The following PKIB variants were observed in gnomAD, a reference collection of about 807,000 sequenced individuals.
PKIB encodes the protein cAMP-dependent protein kinase inhibitor beta, also known as PKI-beta.
Under a neutral mutation model 4.5 loss-of-function variants are expected in PKIB, and 2 were observed. That is an observed-to-expected ratio of 0.44 (90% CI 0.18 to 1.39). The LOEUF (loss-of-function observed/expected upper bound fraction) is 1.39, where lower values mean the gene tolerates loss of function less well. Among genes scored for constraint, PKIB ranks in the 40% most tolerant of loss-of-function variants. The pLI, the probability that PKIB is intolerant of heterozygous loss-of-function variation, is 0.27. For synonymous variants in PKIB, 38 were observed against 36.0 expected (o/e 1.06, Z -0.20); for missense variants, 94 against 92.6 (o/e 1.02, Z -0.06).
chr6:122,709,659 T>C (rs771060411), intron 3 of PKIB, among the ~76,000 whole-genome samples: 8 of 152,192 alleles, frequency 5.3e-5, no homozygotes, highest in Middle Eastern at 3.2e-3. Context: ...TGATAGATGA[T>C]ACTCATTTCC....
At chr6:122,506,215 G>A (rs1482118847) in intron 2 of PKIB, among the ~76,000 whole-genome samples, 1 of 152,064 alleles carries the variant, frequency 6.6e-6, no homozygotes, top group African/African-American at 2.4e-5. Flanking sequence ...CAATACAGGT[G>A]AAAAGGTGAC....
intron 2 of PKIB, among the ~76,000 whole-genome samples, chr6:122,507,108 G>T (rs1257927719): frequency 6.6e-6 from 1 of 152,104 alleles, no homozygotes; most frequent in Non-Finnish European, 1.5e-5. Flanking sequence ...CTTTGTGAAT[G>T]ATCTGGGTTC....
intron 2 of PKIB, 90 bp from the exon 3 acceptor site, chr6:122,674,988 A>T (rs1175998557): frequency 1.3e-5 from 2 of 152,412 alleles, no homozygotes; most frequent in Non-Finnish European, 2.9e-5. Flanking sequence ...GTTTTAGCTA[A>T]ATATTTTAAA....
At chr6:122,659,388 A>G (rs2566814) in intron 2 of PKIB, among the ~76,000 whole-genome samples, 150,248 of 152,302 alleles carry the variant, frequency 0.99, 74,135 homozygotes, top group Middle Eastern at 1. Flanking sequence ...AAATTTAATT[A>G]TGCTTTTAAA....
At chr6:122,666,591 G>A (rs750129337) in intron 2 of PKIB, among the ~76,000 whole-genome samples, 1 of 152,144 alleles carries the variant, frequency 6.6e-6, no homozygotes, top group Non-Finnish European at 1.5e-5. Flanking sequence ...CCTCATGGGC[G>A]CATTTCTGTG....
intron 2 of PKIB, among the ~76,000 whole-genome samples, chr6:122,494,739 A>G (rs1776030246): frequency 6.6e-6 from 1 of 152,216 alleles, no homozygotes; most frequent in African/African-American, 2.4e-5. Flanking sequence ...CAGGAACCAA[A>G]AAGAACAAAC....
chr6:122,491,710 C>T (rs968525654), intron 2 of PKIB, among the ~76,000 whole-genome samples: 1 of 152,150 alleles, frequency 6.6e-6, no homozygotes, highest in Non-Finnish European at 1.5e-5. Flanking sequence ...GGTGCATAGC[C>T]TTTGAATACA....
intron 2 of PKIB, among the ~76,000 whole-genome samples, chr6:122,564,818 T>G (rs1773136643): frequency 6.6e-6 from 1 of 152,214 alleles, no homozygotes; most frequent in South Asian, 2.1e-4. Context: ...GGTGAAATTT[T>G]GGTGGTGTAG....
At chr6:122,624,509 G>A (rs539131004) in intron 1 of PKIB, among the ~76,000 whole-genome samples, 5 of 152,234 alleles carry the variant, frequency 3.3e-5, no homozygotes, top group Admixed American at 2.0e-4. Context: ...TAATGAACAC[G>A]TCTATGAACT....
intron 2 of PKIB, among the ~76,000 whole-genome samples, chr6:122,580,508 A>G (rs1263964038): frequency 6.6e-6 from 1 of 152,084 alleles, no homozygotes; most frequent in East Asian, 1.9e-4. Context: ...TTCTTCTGTA[A>G]AGATTAACTG....
intron 2 of PKIB, among the ~76,000 whole-genome samples, chr6:122,521,274 T>A (rs1180803150): frequency 2.0e-5 from 3 of 152,200 alleles, no homozygotes; most frequent in Admixed American, 2.0e-4. Context: ...TTGGAGCTTC[T>A]TCTTGGTCCA....
At chr6:122,657,522 A>G (rs1171768839) in intron 2 of PKIB, among the ~76,000 whole-genome samples, 1 of 152,176 alleles carries the variant, frequency 6.6e-6, no homozygotes. Flanking sequence ...CTTGGCTTTC[A>G]TTTTTAGTGA....
intron 1 of PKIB, among the ~76,000 whole-genome samples, chr6:122,625,645 T>G (rs959173412): frequency 6.6e-6 from 1 of 150,842 alleles, no homozygotes; most frequent in African/African-American, 2.4e-5. Context: ...CCAAAAATAA[T>G]AATAATAATA....
intron 1 of PKIB, among the ~76,000 whole-genome samples, chr6:122,613,959 C>CAAAAA (rs67112737): frequency 6.0e-4 from 46 of 77,276 alleles, no homozygotes; most frequent in Non-Finnish European, 7.6e-4. Flanking sequence ...GAGACTCCAT[C>CAAAAA]AAAAAAAAAA....
At chr6:122,544,077 A>G (rs866781356) in intron 2 of PKIB, among the ~76,000 whole-genome samples, 1 of 152,048 alleles carries the variant, frequency 6.6e-6, no homozygotes, top group Non-Finnish European at 1.5e-5. Context: ...TATAAATACC[A>G]TAATCAAATC....
intron 1 of PKIB, among the ~76,000 whole-genome samples, chr6:122,630,895 G>A (rs890228739): frequency 6.6e-6 from 1 of 152,080 alleles, no homozygotes; most frequent in Non-Finnish European, 1.5e-5. Flanking sequence ...TCATCCAAAA[G>A]CCCATATAAA....
intron 2 of PKIB, among the ~76,000 whole-genome samples, chr6:122,495,707 G>A (rs1163444478): frequency 6.6e-6 from 1 of 152,162 alleles, no homozygotes; most frequent in Non-Finnish European, 1.5e-5. Flanking sequence ...TCACTTGCAT[G>A]AGTCCAAATG....
chr6:122,524,394 T>C (rs888953542), intron 2 of PKIB, among the ~76,000 whole-genome samples: 2 of 151,966 alleles, frequency 1.3e-5, no homozygotes, highest in African/African-American at 4.8e-5. Flanking sequence ...CTTCCTTTTC[T>C]TCTCCTTCCT....
At chr6:122,655,343 G>A (rs1217648853) in intron 2 of PKIB, among the ~76,000 whole-genome samples, 1 of 152,222 alleles carries the variant, frequency 6.6e-6, no homozygotes, top group Non-Finnish European at 1.5e-5. Context: ...TTTAGGAGGT[G>A]TGGAACCTTT....
Sources: gnomAD v4.1 joint callset for allele counts (sites outside exome capture counted in the v4.1 genomes callset) on GRCh38, gnomAD v4.1.1 for gene constraint, MANE v1.5 for transcripts, NCBI Gene and HGNC (gene_info 2026-07-23, HGNC 2026-07-21) for gene names.